Variants in ESRRG observed in about 807,000 individuals in gnomAD.
The protein encoded by ESRRG is estrogen related receptor gamma.
ESRRG carries 13 observed loss-of-function variants against 44.0 expected under a neutral mutation model. The ratio of observed to expected loss-of-function variants is 0.30; its 90% CI spans 0.19 to 0.47. The LOEUF is 0.47. Ranked by LOEUF, ESRRG falls within the 20% of genes least tolerant of loss-of-function variation. The pLI is 1.00. For missense variants in ESRRG, 395 were observed against 580.6 expected (o/e 0.68, Z 3.29); for synonymous variants, 215 against 214.6 (o/e 1.00, Z -0.02).
intron 1 of ESRRG, among the ~76,000 whole-genome samples, chr1:216,704,561 A>G (rs1038941515): frequency 2.6e-5 from 4 of 152,180 alleles, no homozygotes; most frequent in Admixed American, 6.5e-5. Context: ...AAGATCTAGT[A>G]AATTCTAAAG....
intron 2 of ESRRG, among the ~76,000 whole-genome samples, chr1:216,675,657 T>C (rs1167422823): frequency 6.6e-6 from 1 of 152,132 alleles, no homozygotes; most frequent in Non-Finnish European, 1.5e-5. Context: ...ACCCAGAGGG[T>C]TGGTAAAATG....
In ESRRG at chr1:216,873,209, GTTT is replaced by G. The variant is rs754735743; in HGVS notation, c.-14+66370_-14+66372del. ...CCAGGAGTTCATAAACATCTTTTCA[GTTT>G]TTTTTTTTTTTTTTTTTTGACAGAG... is the stretch of plus-strand genomic sequence containing the variant. On this transcript the variant is annotated intron_variant, in intron 2 of 7. Coordinates refer to the ESRRG transcript ENST00000359162. 3.5e-4 allele frequency among the ~76,000 whole-genome samples: 37 copies of G among 105,930 alleles called. 1 individual carries two copies. The highest frequency in any genetic ancestry group is 1.9e-4 in the Non-Finnish European group (11 of 57,108). The allele number at this position is 105,930 out of a possible 152,430, so 69.5% of individuals were successfully genotyped here. A position where few individuals can be genotyped will look rare whatever the true frequency, so the allele number is the denominator to read the frequency against.
intron 1 of ESRRG, among the ~76,000 whole-genome samples, chr1:217,036,218 G>A (rs2082872233): frequency 6.6e-6 from 1 of 152,188 alleles, no homozygotes. Flanking sequence ...TGGTAAGAGT[G>A]TAAATTAGTT....
intron 2 of ESRRG, among the ~76,000 whole-genome samples, chr1:216,908,225 G>C (rs1215832800): frequency 3.3e-5 from 5 of 152,204 alleles, no homozygotes; most frequent in Non-Finnish European, 7.3e-5. Flanking sequence ...TCTGCCCACT[G>C]TGTCTTGGTA....
chr1:216,918,547 C>A (rs1335748845), intron 2 of ESRRG, among the ~76,000 whole-genome samples: 2 of 152,136 alleles, frequency 1.3e-5, no homozygotes, highest in African/African-American at 2.4e-5. Flanking sequence ...ATGCAAACTT[C>A]ATCAAATCCT....
chr1:216,568,372 G>T (rs1018315721), intron 3 of ESRRG, among the ~76,000 whole-genome samples: 2 of 152,194 alleles, frequency 1.3e-5, no homozygotes, highest in African/African-American at 4.8e-5. Flanking sequence ...AGATTTCCAT[G>T]TAGATTAATA....
At chr1:216,707,574 A>T (rs1029003472) in intron 1 of ESRRG, 4 of 1,353,014 alleles carry the variant, frequency 3.0e-6, no homozygotes, top group Non-Finnish European at 3.9e-6. Flanking sequence ...TCCTGAATTT[A>T]TTTTATGAAG....
chr1:216,827,890 G>T (rs540778662), intron 2 of ESRRG, among the ~76,000 whole-genome samples: 1 of 152,272 alleles, frequency 6.6e-6, no homozygotes, highest in African/African-American at 2.4e-5. Flanking sequence ...TAATGTATAA[G>T]GTAGCATTTG....
intron 2 of ESRRG, among the ~76,000 whole-genome samples, chr1:216,799,203 A>C (rs906551226): frequency 1.7e-4 from 26 of 152,134 alleles, no homozygotes; most frequent in East Asian, 1.5e-3. Flanking sequence ...CACTGACAAA[A>C]GGGGAAGAAT....
At chr1:217,064,097 G>T (rs1304021681) in intron 1 of ESRRG, among the ~76,000 whole-genome samples, 1 of 151,718 alleles carries the variant, frequency 6.6e-6, no homozygotes, top group Non-Finnish European at 1.5e-5. Context: ...AAGCACAAGG[G>T]TTTAGTATAT....
intron 2 of ESRRG, among the ~76,000 whole-genome samples, chr1:216,769,415 A>C (rs1057237484): frequency 6.6e-6 from 1 of 152,140 alleles, no homozygotes; most frequent in African/African-American, 2.4e-5. Flanking sequence ...AAATTTATTT[A>C]AGTATGTTGG....
In ESRRG at chr1:216,997,812, G is replaced by C. The variant is rs2076553427; in HGVS notation, c.-105-58139C>G. Among the ~76,000 whole-genome samples the C allele has an allele frequency of 2.6e-5, 4 of 152,166 alleles. No homozygotes were observed. The South Asian group carries it at 8.3e-4, about 32-fold the overall frequency. ...GCTAGCAAATATAAGGAACAGACAA[G>C]TCACTGGGACATCCAAGGAACCCAA... On this transcript the variant is annotated intron_variant, in intron 1 of 7. Coordinates refer to the ESRRG transcript ENST00000359162.
chr1:216,987,623 T>C (rs970518403), intron 1 of ESRRG, among the ~76,000 whole-genome samples: 1 of 152,220 alleles, frequency 6.6e-6, no homozygotes, highest in Non-Finnish European at 1.5e-5. Flanking sequence ...ATTTCCTTTC[T>C]ACCACTGTCT....
chr1:216,953,179 A>G (rs2067271997), intron 1 of ESRRG, among the ~76,000 whole-genome samples: 2 of 152,154 alleles, frequency 1.3e-5, no homozygotes, highest in Non-Finnish European at 2.9e-5. Context: ...CGTAATAATT[A>G]TCCATCCATC....
At chr1:216,779,404 A>C (rs1246442459) in intron 2 of ESRRG, among the ~76,000 whole-genome samples, 1 of 79,128 alleles carries the variant, frequency 1.3e-5, no homozygotes, top group African/African-American at 5.3e-5. Context: ...AACTATAAAT[A>C]TTATAAAATA....
intron 1 of ESRRG, among the ~76,000 whole-genome samples, chr1:216,968,689 A>T: frequency 7.3e-6 from 1 of 137,826 alleles, no homozygotes; most frequent in African/African-American, 2.5e-5. Context: ...TCTTGTGTTG[A>T]CTAGTATGGG....
At chr1:217,113,587 G>A (rs2092684793) in intron 1 of ESRRG, among the ~76,000 whole-genome samples, 1 of 150,388 alleles carries the variant, frequency 6.6e-6, no homozygotes, top group South Asian at 2.1e-4. Context: ...GAGACTTTTG[G>A]GGGCTTGGGA....
intron 5 of ESRRG, among the ~76,000 whole-genome samples, chr1:216,546,811 TTATA>T (rs10535177): frequency 0.29 from 43,546 of 149,306 alleles, 7,192 homozygotes; most frequent in Admixed American, 0.4. Context: ...TGCTATCTCT[TTATA>T]TATATATATA....
At chr1:216,863,061 G>A (rs527351618) in intron 2 of ESRRG, 1 of 152,278 alleles carries the variant, frequency 6.6e-6, no homozygotes, top group East Asian at 1.9e-4. Flanking sequence ...AAAAAAAGTA[G>A]AGACCAGTGA....
Sources: allele counts gnomAD v4.1 joint callset (sites outside exome capture counted in the v4.1 genomes callset), GRCh38; gene constraint gnomAD v4.1.1; transcripts MANE v1.5; gene names NCBI Gene and HGNC (gene_info 2026-07-23, HGNC 2026-07-21).